Variants in VPS13B observed in about 807,000 individuals in gnomAD.
VPS13B encodes intermembrane lipid transfer protein VPS13B.
Under a neutral mutation model 426.4 loss-of-function variants are expected in VPS13B, and 285 were observed. The ratio of observed to expected loss-of-function variants is 0.67; its 90% CI spans 0.61 to 0.74. The LOEUF (loss-of-function observed/expected upper bound fraction) is 0.74. Among genes scored for constraint, VPS13B ranks in the 30% least tolerant of loss-of-function variants. The pLI is 0.00. For synonymous variants in VPS13B, 1,676 were observed against 1,676.4 expected (o/e 1.00, Z 0.01); for missense variants, 4,537 against 4,782.6 (o/e 0.95, Z 1.51).
intron 40 of VPS13B, among the ~76,000 whole-genome samples, chr8:99,768,558 T>A (rs1811339903): frequency 6.6e-6 from 1 of 152,238 alleles, no homozygotes; most frequent in Non-Finnish European, 1.5e-5. Context: ...ATAACTTCTG[T>A]TAACATTTTG....
At chr8:99,818,679 A>G (rs368044910) in intron 46 of VPS13B, 34 bp from the exon 47 acceptor site, 5 of 1,612,692 alleles carry the variant, frequency 3.1e-6, no homozygotes, top group Middle Eastern at 1.7e-4. Flanking sequence ...AACAAAGCAA[A>G]TATGAAAGTT....
intron 21 of VPS13B, chr8:99,429,500 C>T (rs1160635891): frequency 6.6e-6 from 1 of 151,914 alleles, no homozygotes; most frequent in Non-Finnish European, 1.5e-5. Flanking sequence ...ACTTGGATGT[C>T]TAATGGAAAT....
chr8:99,133,364 AG>A (rs1233736878), intron 8 of VPS13B, among the ~76,000 whole-genome samples: 1 of 152,254 alleles, frequency 6.6e-6, no homozygotes, highest in Non-Finnish European at 1.5e-5. Context: ...CCTTGGCTTA[AG>A]GGAGTGTTGT....
At chr8:99,853,108 C>T (rs1012089336) in intron 55 of VPS13B, among the ~76,000 whole-genome samples, 6 of 152,132 alleles carry the variant, frequency 3.9e-5, no homozygotes, top group African/African-American at 1.2e-4. Flanking sequence ...TAGGGAGTCT[C>T]AGTTACTTTA....
At chr8:99,288,758 CA>C (rs1232007570) in intron 19 of VPS13B, among the ~76,000 whole-genome samples, 2 of 151,958 alleles carry the variant, frequency 1.3e-5, no homozygotes, top group African/African-American at 4.8e-5. Context: ...GGAATTTTAT[CA>C]TTAGTCAACT....
intron 22 of VPS13B, among the ~76,000 whole-genome samples, chr8:99,440,783 A>G (rs181630118): frequency 5.9e-5 from 9 of 152,138 alleles, no homozygotes; most frequent in East Asian, 3.9e-4. Context: ...AAGGATATGT[A>G]TGCATGTGGT....
chr8:99,371,958 G>A (rs1177664963), intron 19 of VPS13B, among the ~76,000 whole-genome samples: 1 of 152,084 alleles, frequency 6.6e-6, no homozygotes, highest in Non-Finnish European at 1.5e-5. Context: ...ATAGGCATGG[G>A]CAAAGACTTC....
chr8:99,636,815 G>T (rs1829089806), intron 33 of VPS13B, among the ~76,000 whole-genome samples: 1 of 152,022 alleles, frequency 6.6e-6, no homozygotes. Flanking sequence ...GAAAGCAGAA[G>T]GTCGAACTTT....
At chr8:99,220,877 C>A (rs112053806) in intron 17 of VPS13B, among the ~76,000 whole-genome samples, 2,092 of 109,338 alleles carry the variant, frequency 0.019, 45 homozygotes, top group Middle Eastern at 0.035. Flanking sequence ...CATGCTGGTG[C>A]GCTGCACCCA....
intron 21 of VPS13B, among the ~76,000 whole-genome samples, chr8:99,407,433 C>G (rs1815391009): frequency 6.6e-6 from 1 of 152,032 alleles, no homozygotes; most frequent in Non-Finnish European, 1.5e-5. Flanking sequence ...GTACGTTCTA[C>G]ATTATGATAC....
intron 21 of VPS13B, among the ~76,000 whole-genome samples, chr8:99,414,676 A>T (rs1815891321): frequency 6.6e-6 from 1 of 152,094 alleles, no homozygotes; most frequent in African/African-American, 2.4e-5. Flanking sequence ...TTCGCTTATG[A>T]AGTTTACTTT....
intron 34 of VPS13B, among the ~76,000 whole-genome samples, chr8:99,643,414 TAAG>T (rs1829450175): frequency 6.6e-6 from 1 of 152,156 alleles, no homozygotes. Flanking sequence ...TTCTTGCCAT[TAAG>T]AAGGACCATT....
At chr8:99,754,887 C>G (rs943477248) in intron 39 of VPS13B, among the ~76,000 whole-genome samples, 2 of 152,156 alleles carry the variant, frequency 1.3e-5, no homozygotes, top group African/African-American at 4.8e-5. Flanking sequence ...CCCCCAACCC[C>G]CATGCCCCCA....
At chr8:99,710,947 G>C (rs1832687760) in intron 36 of VPS13B, among the ~76,000 whole-genome samples, 1 of 152,104 alleles carries the variant, frequency 6.6e-6, no homozygotes, top group African/African-American at 2.4e-5. Flanking sequence ...AGAGGTTGCA[G>C]TGAACTGAGA....
chr8:99,259,095 A>G (rs1246738600), intron 17 of VPS13B, among the ~76,000 whole-genome samples: 1 of 151,956 alleles, frequency 6.6e-6, no homozygotes, highest in Non-Finnish European at 1.5e-5. Context: ...TTATTATTCT[A>G]CTCAGTGCTC....
chr8:99,354,266 C>CTTT lies in VPS13B; in HGVS notation c.2825-29905_2825-29903dup, dbSNP rs71273176. 7.2e-4 allele frequency among the ~76,000 whole-genome samples: 16 copies of CTTT among 22,192 alleles called. 1 individual carries two copies. The highest frequency in any genetic ancestry group is 1.5e-3 in the African/African-American group (10 of 6,500). The allele number at this position is 22,192 out of a possible 152,430, so 14.6% of individuals were successfully genotyped here. On this transcript the variant is annotated intron_variant, in intron 19 of 61. Transcript: ENST00000357162. ...TTCTACTGTAGCCCCCTCCCCCTGC[C>CTTT]TTTTTTTTTTTTTTTTTTTTTTTTT... is the stretch of plus-strand genomic sequence containing the variant.
At chr8:99,206,159 C>T in intron 17 of VPS13B, among the ~76,000 whole-genome samples, 1 of 152,100 alleles carries the variant, frequency 6.6e-6, no homozygotes, top group Non-Finnish European at 1.5e-5. Context: ...AAAACAAGGA[C>T]TTGCTACCAC....
chr8:99,458,540 G>A (rs1362776007), intron 23 of VPS13B, among the ~76,000 whole-genome samples: 1 of 151,960 alleles, frequency 6.6e-6, no homozygotes, highest in African/African-American at 2.4e-5. Context: ...CACCAACAGT[G>A]TAAAAGTGTT....
chr8:99,134,749 T>C (rs1431009031), intron 9 of VPS13B, 22 bp downstream of exon 9: 1 of 1,550,662 alleles, frequency 6.4e-7, no homozygotes, highest in Admixed American at 1.7e-5. Context: ...ATATTGAACC[T>C]GTATTTTTAA....
Sources: gnomAD v4.1 joint callset for allele counts (sites outside exome capture counted in the v4.1 genomes callset) on GRCh38, gnomAD v4.1.1 for gene constraint, MANE v1.5 for transcripts, NCBI Gene and HGNC (gene_info 2026-07-23, HGNC 2026-07-21) for gene names.